Variants in RXFP1 observed in about 807,000 individuals in gnomAD.
RXFP1 encodes the protein relaxin receptor 1.
RXFP1 carries 73 observed loss-of-function variants against 89.8 expected under a neutral mutation model. The ratio of observed to expected loss-of-function variants is 0.81; its 90% CI spans 0.67 to 0.99. The LOEUF is 0.99. RXFP1 is among the 50% of genes least tolerant of loss of function. RXFP1 has a pLI of 0.00. For missense variants in RXFP1, 793 were observed against 895.5 expected (o/e 0.89, Z 1.46); for synonymous variants, 277 against 305.5 (o/e 0.91, Z 0.97).
chr4:158,568,247 T>C (rs1407752222), intron 1 of RXFP1, among the ~76,000 whole-genome samples: 1 of 152,228 alleles, frequency 6.6e-6, no homozygotes, highest in Non-Finnish European at 1.5e-5. Flanking sequence ...GGCTTCATTG[T>C]TGAAGTCAGT....
chr4:158,530,640 C>T (rs546485511), intron 1 of RXFP1, among the ~76,000 whole-genome samples: 1 of 152,266 alleles, frequency 6.6e-6, no homozygotes, highest in South Asian at 2.1e-4. Context: ...AGCTTCTTAA[C>T]CTCCATTTAA....
rs1191053093 is a variant in RXFP1, at chr4:158,544,258, AT to A, written c.49+22234del. On this transcript the variant is annotated intron_variant, in intron 1 of 17. Transcript: ENST00000307765. The stretch of plus-strand genomic sequence containing the variant: ...AGAAATATGTCTATTTACATACATC[AT>A]GTTTGTTTCTGACCTTGTGGGACAA... 4.2e-5 allele frequency: 41 copies of A among 985,110 alleles called. No homozygotes were observed. The African/African-American group carries it at 6.6e-4, about 16-fold the overall frequency. 61.0% of individuals were successfully genotyped at this position (985,110 alleles called of 1,614,324 possible).
At chr4:158,582,836 A>G (rs189473569) in intron 2 of RXFP1, among the ~76,000 whole-genome samples, 133 of 151,998 alleles carry the variant, frequency 8.8e-4, no homozygotes, top group Non-Finnish European at 1.6e-3. Context: ...AGGAAGAAAG[A>G]CCCCTCCACT....
intron 6 of RXFP1, among the ~76,000 whole-genome samples, chr4:158,610,868 A>T (rs1763452791): frequency 6.6e-6 from 1 of 152,210 alleles, no homozygotes; most frequent in South Asian, 2.1e-4. Context: ...CCCTGAGCAA[A>T]AGTCAAACCC....
At chr4:158,574,651 G>A (rs1160500340) in intron 2 of RXFP1, among the ~76,000 whole-genome samples, 1 of 152,170 alleles carries the variant, frequency 6.6e-6, no homozygotes, top group African/African-American at 2.4e-5. Flanking sequence ...ACATGCCTCT[G>A]AGCTTTCTTA....
chr4:158,645,036 G>T lies in RXFP1; in HGVS notation c.1243G>T (p.Val415Leu), dbSNP rs950930088. The T allele has an allele frequency of 6.2e-7, 1 of 1,614,174 alleles. No homozygotes were observed. The highest frequency in any genetic ancestry group is 1.7e-5 in the Admixed American group (1 of 60,034). The change falls in exon 15 of 18, where the codon GTA (valine) becomes TTA (leucine). Residue 415 changes from valine (V) to leucine (L), a missense_variant. By Grantham distance (32) the Val-to-Leu change is conservative. Coordinates refer to ENST00000307765, the MANE Select transcript of RXFP1 (RefSeq NM_021634.4). The stretch of plus-strand genomic sequence containing the variant: ...TATTCAGAGAGTATTTGTCTGGGTT[G>T]TATCTGCAGTTACCTGCTTTGGAAA... ...SIIQRVFVWV[V>L]SAVTCFGNIF...
Position 158,602,817 on chromosome 4 carries a change from G to C in RXFP1, c.393-2251G>C, listed in dbSNP as rs560793505. ...CGCCCAGGCTAGAGCGCAGTGGCGC[G>C]ATCTTGGCTCACTGCAACCTCTGTC... On this transcript the variant is annotated intron_variant, in intron 4 of 17. Coordinates refer to ENST00000307765, the MANE Select transcript of RXFP1 (RefSeq NM_021634.4). 2.8e-4 allele frequency among the ~76,000 whole-genome samples: 43 copies of C among 152,198 alleles called. No homozygotes were observed. In the South Asian group the frequency reaches 8.9e-3, roughly 32 times the overall value.
At chr4:158,637,937 A>G in intron 12 of RXFP1, 71 bp from the exon 13 acceptor site, 1 of 934,002 alleles carries the variant, frequency 1.1e-6, no homozygotes, top group Middle Eastern at 2.1e-4. Context: ...GTAACCCAAA[A>G]TAAACAGATT....
chr4:158,530,365 C>T (rs1194983922), intron 1 of RXFP1, among the ~76,000 whole-genome samples: 2 of 152,188 alleles, frequency 1.3e-5, no homozygotes, highest in African/African-American at 4.8e-5. Flanking sequence ...ATTACCTTCA[C>T]TCATAAAACC....
At chr4:158,550,628 A>T (rs1423055531) in intron 1 of RXFP1, among the ~76,000 whole-genome samples, 1 of 152,206 alleles carries the variant, frequency 6.6e-6, no homozygotes, top group Non-Finnish European at 1.5e-5. Context: ...GTAAGATCTA[A>T]ATAGGTGAAA....
At chr4:158,524,536 C>T (rs976276186) in intron 1 of RXFP1, among the ~76,000 whole-genome samples, 3 of 152,146 alleles carry the variant, frequency 2.0e-5, no homozygotes, top group South Asian at 4.1e-4. Flanking sequence ...GACATTAAGA[C>T]TTAGAAAAGA....
At chr4:158,567,869 T>C (rs903267228) in intron 1 of RXFP1, among the ~76,000 whole-genome samples, 8 of 152,182 alleles carry the variant, frequency 5.3e-5, no homozygotes, top group African/African-American at 1.9e-4. Context: ...GCTGCCCAAG[T>C]CAGCAGTGGC....
At chr4:158,530,184 A>T (rs1331802906) in intron 1 of RXFP1, among the ~76,000 whole-genome samples, 2 of 152,214 alleles carry the variant, frequency 1.3e-5, no homozygotes, top group Non-Finnish European at 2.9e-5. Context: ...TTTGAACAAA[A>T]TTTATATGCG....
At chr4:158,605,034 C>T (rs752749768) in intron 4 of RXFP1, 34 bp from the exon 5 acceptor site, 1 of 1,267,712 alleles carries the variant, frequency 7.9e-7, no homozygotes, top group South Asian at 1.3e-5. Context: ...AAAGGAAAAA[C>T]AACTTTAAGA....
intron 9 of RXFP1, among the ~76,000 whole-genome samples, chr4:158,624,116 C>A (rs1486426237): frequency 6.6e-6 from 1 of 152,082 alleles, no homozygotes; most frequent in Non-Finnish European, 1.5e-5. Flanking sequence ...GAACATTCAC[C>A]AAAATTGACC....
intron 6 of RXFP1, chr4:158,610,714 A>G (rs1037864068): frequency 6.2e-6 from 8 of 1,289,232 alleles, no homozygotes; most frequent in African/African-American, 4.6e-5. Flanking sequence ...AGTGGATCAA[A>G]TGTCTTTTAC....
intron 16 of RXFP1, 52 bp downstream of exon 16, chr4:158,647,253 C>T (rs938595354): frequency 2.1e-6 from 3 of 1,430,342 alleles, no homozygotes; most frequent in African/African-American, 2.8e-5. Context: ...AATCTTCCAA[C>T]CAGTTTTTGT....
chr4:158,603,618 G>A (rs540484813), intron 4 of RXFP1, among the ~76,000 whole-genome samples: 2 of 151,812 alleles, frequency 1.3e-5, no homozygotes, highest in East Asian at 1.9e-4. Flanking sequence ...ACGGACAGGC[G>A]CAGTGGCTCA....
intron 1 of RXFP1, among the ~76,000 whole-genome samples, chr4:158,548,666 C>T (rs1177657746): frequency 6.6e-6 from 1 of 152,194 alleles, no homozygotes; most frequent in Non-Finnish European, 1.5e-5. Context: ...AATCTCTCAA[C>T]ATTTGCTTGT....
Sources: gnomAD v4.1 joint callset for allele counts (sites outside exome capture counted in the v4.1 genomes callset) on GRCh38, gnomAD v4.1.1 for gene constraint, MANE v1.5 for transcripts, NCBI Gene and HGNC (gene_info 2026-07-23, HGNC 2026-07-21) for gene names.